Variants in KIDINS220 observed in about 807,000 individuals in gnomAD.
KIDINS220 encodes the protein kinase D interacting substrate 220, also known as kinase D-interacting substrate of 220 kDa.
KIDINS220 carries 63 observed loss-of-function variants against 157.6 expected under a neutral mutation model. The observed-to-expected ratio is 0.40, with a 90% confidence interval of 0.33 to 0.49. The LOEUF is 0.49. KIDINS220 is among the 20% of genes least tolerant of loss of function. KIDINS220 has a pLI of 0.66. For synonymous variants in KIDINS220, 732 were observed against 783.6 expected (o/e 0.93, Z 1.10); for missense variants, 1,772 against 2,171.2 (o/e 0.82, Z 3.65).
intron 22 of KIDINS220, among the ~76,000 whole-genome samples, chr2:8,759,553 T>C (rs778650266): frequency 1.3e-5 from 2 of 148,954 alleles, no homozygotes; most frequent in Non-Finnish European, 3.0e-5. Flanking sequence ...TCTCTTTGGC[T>C]TTAAGGCTGC....
intron 8 of KIDINS220, among the ~76,000 whole-genome samples, chr2:8,801,908 A>C (rs1674766436): frequency 6.6e-6 from 1 of 152,202 alleles, no homozygotes. Flanking sequence ...CCCTGTCTCA[A>C]AAAAAGTGAT....
At chr2:8,836,326 G>A (rs1057367819) in intron 1 of KIDINS220, among the ~76,000 whole-genome samples, 1 of 152,114 alleles carries the variant, frequency 6.6e-6, no homozygotes, top group Non-Finnish European at 1.5e-5. Flanking sequence ...TGTCCCAAAA[G>A]AACTAGGTTG....
At chr2:8,812,531 TAGGA>T in intron 5 of KIDINS220, 38 bp from the exon 6 acceptor site, 3 of 1,210,356 alleles carry the variant, frequency 2.5e-6, no homozygotes, top group South Asian at 3.4e-5. Context: ...GGTAGATAAG[TAGGA>T]AGGAAGGAAA....
At chr2:8,786,912 C>A (rs6731960) in intron 15 of KIDINS220, among the ~76,000 whole-genome samples, 22,872 of 152,198 alleles carry the variant, frequency 0.15, 1,814 homozygotes, top group Middle Eastern at 0.21. Context: ...ATTCTCTTCA[C>A]AATTGATCTT....
intron 20 of KIDINS220, 45 bp downstream of exon 20, chr2:8,778,594 T>C (rs1345857491): frequency 8.4e-7 from 1 of 1,192,248 alleles, no homozygotes; most frequent in Non-Finnish European, 1.3e-6. Context: ...TGTATTAAAT[T>C]GAATAGCAAT....
At chr2:8,815,462 G>A (rs1676939582) in intron 4 of KIDINS220, among the ~76,000 whole-genome samples, 2 of 151,932 alleles carry the variant, frequency 1.3e-5, no homozygotes, top group Admixed American at 1.3e-4. Flanking sequence ...GAGGTCAGGA[G>A]TTTAAGACCA....
At chr2:8,790,772 A>C (rs1398219074) in intron 13 of KIDINS220, among the ~76,000 whole-genome samples, 1 of 152,208 alleles carries the variant, frequency 6.6e-6, no homozygotes, top group African/African-American at 2.4e-5. Context: ...GCTGGGGCAC[A>C]TGCCAGAGGT....
chr2:8,777,038 T>C (rs1671062560), intron 20 of KIDINS220, 146 bp from the exon 21 acceptor site: 1 of 795,538 alleles, frequency 1.3e-6, no homozygotes, highest in African/African-American at 1.8e-5. Flanking sequence ...TAAATTATTA[T>C]CTGTGAGGTA....
At chr2:8,833,477 GTCT>G (rs1476144607) in intron 1 of KIDINS220, among the ~76,000 whole-genome samples, 15 of 100,188 alleles carry the variant, frequency 1.5e-4, no homozygotes, top group African/African-American at 4.8e-4. Context: ...TTTTAAATTT[GTCT>G]TTTTTTTTTT....
intron 6 of KIDINS220, among the ~76,000 whole-genome samples, chr2:8,810,076 TGTGCCCA>T: frequency 6.6e-6 from 1 of 152,294 alleles, no homozygotes; most frequent in South Asian, 2.1e-4. Flanking sequence ...TCATTTTCCC[TGTGCCCA>T]GTTCGTCTCT....
chr2:8,803,752 A>G (rs939348110), intron 7 of KIDINS220, among the ~76,000 whole-genome samples: 1 of 152,194 alleles, frequency 6.6e-6, no homozygotes, highest in African/African-American at 2.4e-5. Context: ...ACCCACACCT[A>G]TAATCCCAAA....
Position 8,731,475 on chromosome 2 carries a change from T to G in KIDINS220, c.4561A>C (p.Ser1521Arg). 6.2e-7 allele frequency: 1 copy of G among 1,614,184 alleles called. No homozygotes were observed. Among genetic ancestry groups the G allele is most frequent in the Non-Finnish European group, 8.5e-7 (1 of 1,180,038 alleles). ...GSGLRYQKLP[S>R]DEDESGTEES... Reference sequence around the variant, plus strand: ...TCTGTGCCAGATTCATCCTCGTCACTTGGGAGTTTTTGATAGCGCAGCCCA... The same window carrying G: ...TCTGTGCCAGATTCATCCTCGTCACGTGGGAGTTTTTGATAGCGCAGCCCA... The change falls in exon 30 of 30, where the codon AGT (serine) becomes CGT (arginine). Residue 1521 changes from serine (S) to arginine (R), a missense_variant. This residue lies in a region of KIDINS220 where 793 missense variants were observed against 885.5 expected (regional missense o/e 0.90). Transcript: ENST00000256707. This position sits in a 1 kb window ranked among gnomAD's most constrained non-coding sequence, Gnocchi z 5.2.
At position 8,744,395 on chromosome 2, in the gene KIDINS220, A is replaced by ATC. The variant is rs1666223138; in HGVS notation, c.3585+2749_3585+2750insGA. 1.1e-3 allele frequency among the ~76,000 whole-genome samples: 28 copies of ATC among 26,412 alleles called. 1 individual carries two copies. The highest frequency in any genetic ancestry group is 0.056 in the Middle Eastern group (1 of 18). 17.3% of individuals were successfully genotyped at this position (26,412 alleles called of 152,430 possible). A position where few individuals can be genotyped will look rare whatever the true frequency, so the allele number is the denominator to read the frequency against. ...AAAAAAAAAAAAAAAAAAAATATAT[A>ATC]TATATAATATATATATATATATATA... On this transcript the variant is annotated intron_variant, in intron 26 of 29. Transcript: ENST00000256707.
At chr2:8,787,662 G>C (rs937864098) in intron 15 of KIDINS220, among the ~76,000 whole-genome samples, 2 of 151,410 alleles carry the variant, frequency 1.3e-5, no homozygotes, top group African/African-American at 2.4e-5. Flanking sequence ...CACCACATCT[G>C]GCTTAATACA....
At chr2:8,739,295 G>T (rs966597365) in intron 26 of KIDINS220, among the ~76,000 whole-genome samples, 2 of 152,086 alleles carry the variant, frequency 1.3e-5, no homozygotes, top group African/African-American at 2.4e-5. Flanking sequence ...TTTAAGAAAA[G>T]ACAGACACAT....
chr2:8,750,831 A>G (rs1457190212), intron 23 of KIDINS220, among the ~76,000 whole-genome samples: 1 of 152,196 alleles, frequency 6.6e-6, no homozygotes, highest in Non-Finnish European at 1.5e-5. Flanking sequence ...AAAATAGAAT[A>G]CAGAAGTAGT....
chr2:8,775,934 C>T (rs975895867), intron 21 of KIDINS220, among the ~76,000 whole-genome samples: 1 of 152,166 alleles, frequency 6.6e-6, no homozygotes, highest in Admixed American at 6.5e-5. Context: ...CTTATCTCCA[C>T]AATGCCCAGA....
chr2:8,756,796 A>G (rs1424586928), intron 22 of KIDINS220, among the ~76,000 whole-genome samples: 1 of 152,218 alleles, frequency 6.6e-6, no homozygotes, highest in Non-Finnish European at 1.5e-5. Flanking sequence ...CACCAACTCT[A>G]AATAATATCA....
At chr2:8,748,543 T>G (rs1267230276) in intron 24 of KIDINS220, among the ~76,000 whole-genome samples, 1 of 152,198 alleles carries the variant, frequency 6.6e-6, no homozygotes, top group Non-Finnish European at 1.5e-5. Context: ...GCATATTTTT[T>G]TTAAAAAACG....
Sources: gnomAD v4.1 joint callset for allele counts (sites outside exome capture counted in the v4.1 genomes callset) on GRCh38, gnomAD v4.1.1 for gene constraint, gnomAD v4.1.1 regional missense constraint, Gnocchi (gnomAD v3.1) non-coding constraint, MANE v1.5 for transcripts, NCBI Gene and HGNC (gene_info 2026-07-23, HGNC 2026-07-21) for gene names.